The following PAK6 variants were observed in gnomAD, a reference collection of about 807,000 sequenced individuals.
PAK6 encodes p21 (RAC1) activated kinase 6, also known as serine/threonine-protein kinase PAK 6.
PAK6 carries 33 observed loss-of-function variants against 60.8 expected under a neutral mutation model. The ratio of observed to expected loss-of-function variants is 0.54; its 90% CI spans 0.41 to 0.73. The LOEUF (loss-of-function observed/expected upper bound fraction) is 0.73. Ranked by LOEUF, PAK6 falls within the 30% of genes least tolerant of loss-of-function variation. The pLI is 0.00. For missense variants in PAK6, 845 were observed against 904.1 expected (o/e 0.93, Z 0.84); for synonymous variants, 404 against 378.5 (o/e 1.07, Z -0.78).
chr15:40,273,111 C>A, intron 7 of PAK6, 112 bp downstream of exon 7: 2 of 1,404,938 alleles, frequency 1.4e-6, no homozygotes, highest in East Asian at 2.3e-5. Flanking sequence ...CCTGGGCTCC[C>A]CTGCCTGCTG....
At chr15:40,274,449 C>T (rs2039394393) in intron 10 of PAK6, among the ~76,000 whole-genome samples, 173 bp downstream of exon 10, 2 of 152,252 alleles carry the variant, frequency 1.3e-5, no homozygotes, top group South Asian at 4.1e-4. Flanking sequence ...GCCGCATCTA[C>T]GCACAAGTTC....
intron 2 of PAK6, chr15:40,252,503 T>G (rs756820191): frequency 7.3e-7 from 1 of 1,363,358 alleles, no homozygotes; most frequent in Non-Finnish European, 9.8e-7. Flanking sequence ...TCTCCCGCGC[T>G]CTGGGTTCGC....
rs539480299 is a variant in PAK6 at position 40,264,873 on chromosome 15, G to A, written c.88G>A (p.Glu30Lys). The A allele has an allele frequency of 2.5e-6, 4 of 1,614,022 alleles. No individual in the cohort carries two copies. The Admixed American group carries it at 5.0e-5, about 20-fold the overall frequency. Residue 30 changes from glutamate (E) to lysine (K), a missense_variant, in exon 4 of 11, where the codon GAA (glutamate) becomes AAA (lysine). By Grantham distance (56) the Glu-to-Lys change is moderately conservative (BLOSUM62 1). Transcript: ENST00000560346. Reference sequence around the variant, plus strand: ...TGTCCACACCTCCTTCGACCCCAAAGAAGGCAAGTTTGTGGGCCTCCCCCC... The same window carrying A: ...TGTCCACACCTCCTTCGACCCCAAAAAAGGCAAGTTTGTGGGCCTCCCCCC...
exon 5 of PAK6, chr15:40,266,418 T>C (rs747873967): frequency 6.2e-7 from 1 of 1,613,252 alleles, no homozygotes; most frequent in Non-Finnish European, 8.5e-7. Flanking sequence ...GCGCAGGCTA[T>C]TCCGAAGCAT....
chr15:40,272,855 C>A lies in PAK6; in HGVS notation c.1357-11C>A. The A allele has an allele frequency of 1.2e-6, 2 of 1,612,792 alleles. No homozygotes were observed. The highest frequency in any genetic ancestry group is 1.7e-6 in the Non-Finnish European group (2 of 1,179,410). ...ACTGTGCCTGGCACTCAGGCCCCCG[C>A]CTGCCCCCAGGTGGTGATCATGCGG... is the stretch of plus-strand genomic sequence containing the variant. On this transcript the variant is annotated splice_polypyrimidine_tract_variant and intron_variant, in intron 6 of 10. Coordinates refer to ENST00000560346, the Ensembl canonical transcript of PAK6.
intron 2 of PAK6, chr15:40,245,899 G>A (rs561023603): frequency 1.3e-5 from 2 of 152,500 alleles, no homozygotes; most frequent in African/African-American, 2.4e-5. Context: ...CTTGGGAGAG[G>A]CGGCCTGGCC....
intron 2 of PAK6, chr15:40,246,296 A>C (rs140750212): frequency 1.3e-4 from 20 of 152,340 alleles, no homozygotes; most frequent in Admixed American, 2.0e-4. Context: ...TTTTGACCCC[A>C]GGCAGACATT....
intron 5 of PAK6, among the ~76,000 whole-genome samples, chr15:40,268,056 A>G (rs1048064761): frequency 6.6e-6 from 1 of 152,168 alleles, no homozygotes; most frequent in African/African-American, 2.4e-5. Flanking sequence ...CTGAGTACTC[A>G]CCATGGGCCA....
At chr15:40,272,899 G>C (rs780974985) in exon 7 of PAK6, 1 of 1,614,110 alleles carries the variant, frequency 6.2e-7, no homozygotes, top group South Asian at 1.1e-5. Context: ...GCACTTCAAC[G>C]TGGTGGAGAT....
At chr15:40,252,458 G>T (rs766770622) in intron 2 of PAK6, 2 of 1,361,266 alleles carry the variant, frequency 1.5e-6, no homozygotes, top group African/African-American at 3.0e-5. Context: ...GGGCAGAGGG[G>T]CTCCTGGCCA....
At chr15:40,239,253 G>A (rs1182686520), upstream of PAK6, 1 of 152,220 alleles carries the variant, frequency 6.6e-6, no homozygotes, top group African/African-American at 2.4e-5. Flanking sequence ...GCGGGGCTCG[G>A]CGGCCACACT....
intron 2 of PAK6, chr15:40,246,195 T>C (rs2038490838): frequency 6.6e-6 from 1 of 152,136 alleles, no homozygotes; most frequent in African/African-American, 2.4e-5. Context: ...TCATGATGAG[T>C]GCCAGAGATG....
intron 3 of PAK6, among the ~76,000 whole-genome samples, chr15:40,254,859 T>C (rs1446273156): frequency 6.6e-6 from 1 of 152,242 alleles, no homozygotes; most frequent in Admixed American, 6.5e-5. Flanking sequence ...TCTATCCATG[T>C]GGTGGGCACT....
chr15:40,243,130 A>G (rs2140939619), intron 2 of PAK6, among the ~76,000 whole-genome samples: 1 of 152,334 alleles, frequency 6.6e-6, no homozygotes, highest in African/African-American at 2.4e-5. Context: ...CAGCCCAGAT[A>G]ATTTATAAAT....
In PAK6 at chr15:40,244,230, C is replaced by T. The variant is rs553254047; in HGVS notation, c.-118+3549C>T. On this transcript the variant is annotated intron_variant, in intron 2 of 10. Coordinates refer to ENST00000560346, the Ensembl canonical transcript of PAK6. ...CCTGTAGTCCCAGCTACCCGGGAGG[C>T]TGAGGCAGGGGAATCGCTTGAACCC... Among the ~76,000 whole-genome samples, 10 of 148,310 alleles carry T rather than the reference C, an allele frequency of 6.7e-5. No homozygotes were observed. In the East Asian group the frequency reaches 2.2e-3, roughly 33 times the overall value.
At chr15:40,275,947 C>T (rs1471068594) in exon 11 of PAK6, 1 of 1,613,272 alleles carries the variant, frequency 6.2e-7, no homozygotes, top group East Asian at 2.2e-5. Flanking sequence ...TGCTGCGAGA[C>T]TTCCTGGAGC....
At chr15:40,257,802 C>T (rs566090292) in intron 3 of PAK6, among the ~76,000 whole-genome samples, 1 of 152,194 alleles carries the variant, frequency 6.6e-6, no homozygotes, top group Admixed American at 6.5e-5. Context: ...GAGGGTGGCC[C>T]ACCCACAGTG....
chr15:40,249,060 C>T (rs942296553), intron 2 of PAK6, among the ~76,000 whole-genome samples: 1 of 152,166 alleles, frequency 6.6e-6, no homozygotes, highest in African/African-American at 2.4e-5. Flanking sequence ...GAGCAAGGTG[C>T]TGGCAGATCC....
intron 2 of PAK6, among the ~76,000 whole-genome samples, chr15:40,250,404 AG>A (rs2038630719): frequency 6.6e-6 from 1 of 152,184 alleles, no homozygotes; most frequent in Non-Finnish European, 1.5e-5. Flanking sequence ...TCCCTAGTCT[AG>A]TCTTGTATCC....
Sources: allele counts gnomAD v4.1 joint callset (sites outside exome capture counted in the v4.1 genomes callset), GRCh38; gene constraint gnomAD v4.1.1; transcripts MANE v1.5; gene names NCBI Gene and HGNC (gene_info 2026-07-23, HGNC 2026-07-21).